Variants in TNNI3K observed in about 807,000 individuals in gnomAD.
TNNI3K encodes serine/threonine-protein kinase TNNI3K.
In TNNI3K, 140 loss-of-function variants were observed where a neutral mutation model predicts 114.5. The observed-to-expected ratio is 1.22, with a 90% CI of 1.07 to 1.41. The LOEUF (loss-of-function observed/expected upper bound fraction) is 1.41, where lower values mean the gene tolerates loss of function less well. Among genes scored for constraint, TNNI3K ranks in the 40% most tolerant of loss-of-function variants. TNNI3K has a pLI of 0.00. For missense variants in TNNI3K, 1,125 were observed against 1,007.6 expected, an observed-to-expected ratio of 1.12 and a Z score of -1.58; for synonymous variants, 347 against 347.5, an observed-to-expected ratio of 1.00 and a Z score of 0.02.
chr1:74,477,625 C>T (rs1203101006), intron 21 of TNNI3K, among the ~76,000 whole-genome samples: 2 of 152,160 alleles, frequency 1.3e-5, no homozygotes, highest in Non-Finnish European at 2.9e-5. Flanking sequence ...TTATAGGATA[C>T]AGTTTCTCCT....
chr1:74,253,829 T>G (rs973351348), intron 4 of TNNI3K, among the ~76,000 whole-genome samples: 6 of 152,104 alleles, frequency 3.9e-5, no homozygotes, highest in Non-Finnish European at 5.9e-5. Flanking sequence ...GCTCCTCAAG[T>G]GCAGCCAGAG....
intron 17 of TNNI3K, chr1:74,372,530 T>C (rs1662669317): frequency 6.6e-6 from 1 of 151,944 alleles, no homozygotes; most frequent in Non-Finnish European, 1.5e-5. Flanking sequence ...ATTAGTTCTT[T>C]ACCTTTCTTA....
At chr1:74,362,127 G>T (rs1226647568) in intron 11 of TNNI3K, among the ~76,000 whole-genome samples, 1 of 152,126 alleles carries the variant, frequency 6.6e-6, no homozygotes, top group Non-Finnish European at 1.5e-5. Flanking sequence ...TGGGACCAGG[G>T]TGGTCAGGAG....
chr1:74,417,734 CAGAG>C (rs373459381), intron 17 of TNNI3K, among the ~76,000 whole-genome samples: 165 of 92,986 alleles, frequency 1.8e-3, no homozygotes, highest in East Asian at 0.016. Context: ...GTGTGTGTGT[CAGAG>C]AGAGAGAGAG....
chr1:74,500,899 C>A (rs1442253474), intron 23 of TNNI3K, among the ~76,000 whole-genome samples: 4 of 151,818 alleles, frequency 2.6e-5, no homozygotes, highest in Non-Finnish European at 5.9e-5. Context: ...TAGAAGTCTT[C>A]TTTATCTTTG....
chr1:74,245,844 T>A (rs982220100), intron 2 of TNNI3K, among the ~76,000 whole-genome samples: 1 of 152,202 alleles, frequency 6.6e-6, no homozygotes, highest in African/African-American at 2.4e-5. Context: ...AAACTTTTTT[T>A]ACCCTCCTAC....
intron 5 of TNNI3K, among the ~76,000 whole-genome samples, chr1:74,276,806 A>G (rs1656713734): frequency 6.6e-6 from 1 of 152,142 alleles, no homozygotes; most frequent in African/African-American, 2.4e-5. Flanking sequence ...CAATCTTACA[A>G]TAAAATTTAC....
intron 21 of TNNI3K, among the ~76,000 whole-genome samples, chr1:74,481,142 G>A (rs1371363739): frequency 1.3e-5 from 2 of 152,162 alleles, no homozygotes; most frequent in African/African-American, 2.4e-5. Context: ...GGGGAAGCTG[G>A]CTATATATCA....
At chr1:74,492,045 T>C (rs1001974437) in intron 22 of TNNI3K, 52 bp from the exon 23 acceptor site, 59 of 1,418,032 alleles carry the variant, frequency 4.2e-5, no homozygotes, top group Non-Finnish European at 5.4e-5. Flanking sequence ...ATGTTATGTC[T>C]TCACACCTGT....
intron 11 of TNNI3K, among the ~76,000 whole-genome samples, chr1:74,354,893 A>G (rs1453028723): frequency 1.3e-5 from 2 of 152,210 alleles, no homozygotes; most frequent in African/African-American, 2.4e-5. Context: ...TAGCTCAGAA[A>G]TAAAGATGAT....
At chr1:74,330,779 T>C (rs115893370) in intron 5 of TNNI3K, among the ~76,000 whole-genome samples, 310 of 152,266 alleles carry the variant, frequency 2.0e-3, no homozygotes, top group African/African-American at 7.2e-3. Flanking sequence ...CAACAGTTCC[T>C]GGTAGGGTTT....
intron 20 of TNNI3K, among the ~76,000 whole-genome samples, chr1:74,455,725 G>T (rs894108443): frequency 6.6e-6 from 1 of 152,112 alleles, no homozygotes; most frequent in African/African-American, 2.4e-5. Context: ...TCAGGAGAAG[G>T]TGCATGTCAC....
chr1:74,433,254 C>G (rs1022936219), intron 17 of TNNI3K, among the ~76,000 whole-genome samples: 5 of 152,050 alleles, frequency 3.3e-5, no homozygotes, highest in African/African-American at 9.7e-5. Flanking sequence ...TCAAACCTGA[C>G]ATTGCTGACC....
At chr1:74,253,746 C>T (rs890627337) in intron 4 of TNNI3K, among the ~76,000 whole-genome samples, 1 of 152,124 alleles carries the variant, frequency 6.6e-6, no homozygotes, top group Non-Finnish European at 1.5e-5. Context: ...CACCTCCCCG[C>T]AGGCCGAGGG....
chr1:74,333,495 T>C (rs1239137027), intron 6 of TNNI3K, among the ~76,000 whole-genome samples: 1 of 152,218 alleles, frequency 6.6e-6, no homozygotes, highest in Non-Finnish European at 1.5e-5. Context: ...AAAGAGCCTG[T>C]ATGCATGTTG....
chr1:74,509,189 T>C (rs1444517264), intron 23 of TNNI3K, among the ~76,000 whole-genome samples: 2 of 152,218 alleles, frequency 1.3e-5, no homozygotes, highest in Admixed American at 6.5e-5. Context: ...TCCTTACTTA[T>C]TTACACTACT....
intron 5 of TNNI3K, among the ~76,000 whole-genome samples, chr1:74,310,823 A>G (rs1012127530): frequency 1.6e-4 from 24 of 152,140 alleles, no homozygotes; most frequent in African/African-American, 5.8e-4. Flanking sequence ...TGAATTTAGA[A>G]TCTTGGTAAA....
At chr1:74,475,628 C>T (rs1289884659) in intron 21 of TNNI3K, 11 of 717,032 alleles carry the variant, frequency 1.5e-5, no homozygotes, top group African/African-American at 7.0e-5. Flanking sequence ...ACCTTTATCT[C>T]GTTTTCCTGA....
At chr1:74,265,349 C>T (rs115851156) in intron 4 of TNNI3K, among the ~76,000 whole-genome samples, 2,341 of 152,032 alleles carry the variant, frequency 0.015, 17 homozygotes, top group Middle Eastern at 0.02. Context: ...GAAAAATTGC[C>T]TATGAAAGGA....
Sources: gnomAD v4.1 joint callset for allele counts (sites outside exome capture counted in the v4.1 genomes callset) on GRCh38, gnomAD v4.1.1 for gene constraint, MANE v1.5 for transcripts, NCBI Gene and HGNC (gene_info 2026-07-23, HGNC 2026-07-21) for gene names.